The following PRDM9 variants were observed in gnomAD, a reference collection of about 807,000 sequenced individuals.
PRDM9 encodes the protein PR/SET domain 9.
In PRDM9, 47 loss-of-function variants were observed where a neutral mutation model predicts 55.6. That is an observed-to-expected ratio of 0.85 (90% CI 0.67 to 1.08). PRDM9 has a LOEUF of 1.08. Among genes scored for constraint, PRDM9 ranks in the 50% least tolerant of loss-of-function variants. The pLI is 0.00. For missense variants in PRDM9, 867 were observed against 1,040.3 expected (o/e 0.83, Z 2.29); for synonymous variants, 312 against 375.7 (o/e 0.83, Z 1.96).
At chr5:23,511,337 G>GTTGTTT (rs529702253) in intron 4 of PRDM9, among the ~76,000 whole-genome samples, 44 of 151,156 alleles carry the variant, frequency 2.9e-4, no homozygotes, top group Admixed American at 6.6e-4. Context: ...TTGTTTGTTT[G>GTTGTTT]TTGTTTTTGT....
intron 3 of PRDM9, 128 bp downstream of exon 3, chr5:23,509,721 G>T: frequency 6.4e-7 from 1 of 1,553,358 alleles, no homozygotes. Flanking sequence ...CAAATCTGGA[G>T]GGAAATTTTG....
rs751642339 is a variant in PRDM9, at chr5:23,522,853, G to A, written c.850G>A (p.Glu284Lys). ...GPYEGRITED[E>K]EAANNGYSWL... ...TTATGAGGGCCGAATTACAGAAGAC[G>A]AAGAGGCAGCCAACAATGGATACTC... The change falls in exon 8 of 11, where the codon GAA (glutamate) becomes AAA (lysine). Residue 284 changes from glutamate (E) to lysine (K), a missense_variant. By Grantham distance (56) the Glu-to-Lys change is moderately conservative. Coordinates refer to ENST00000296682, the MANE Select transcript of PRDM9 (RefSeq NM_020227.4). 20 of 1,614,244 alleles carry A rather than the reference G, an allele frequency of 1.2e-5. No homozygotes were observed. Among genetic ancestry groups the A allele is most frequent in the Non-Finnish European group, 1.4e-5 (17 of 1,180,048 alleles).
chr5:23,513,018 A>T (rs1343275761), intron 4 of PRDM9, among the ~76,000 whole-genome samples: 1 of 152,218 alleles, frequency 6.6e-6, no homozygotes, highest in Non-Finnish European at 1.5e-5. Flanking sequence ...TTAAAAATCC[A>T]TTCATTTGTC....
At chr5:23,510,738 C>T (rs1739079505) in intron 4 of PRDM9, among the ~76,000 whole-genome samples, 1 of 151,708 alleles carries the variant, frequency 6.6e-6, no homozygotes, top group African/African-American at 2.4e-5. Context: ...GTGGTGCAAT[C>T]ATAACTCACT....
In PRDM9 at chr5:23,513,629, C is replaced by T. The variant is rs1180397623; in HGVS notation, c.301+3602C>T. 3.9e-5 allele frequency among the ~76,000 whole-genome samples: 6 copies of T among 152,160 alleles called. No homozygotes were observed. The East Asian group carries it at 1.2e-3, about 29-fold the overall frequency. On this transcript the variant is annotated intron_variant, in intron 4 of 10. Coordinates refer to ENST00000296682, the MANE Select transcript of PRDM9 (RefSeq NM_020227.4). ...AGGCATGGTGGCTCATGCCTGTAAT[C>T]CTAGCACTTTGGTAGGCCGAGGCAG... is the stretch of plus-strand genomic sequence containing the variant.
chr5:23,514,454 AG>A (rs1217715028), intron 4 of PRDM9, among the ~76,000 whole-genome samples: 1 of 151,934 alleles, frequency 6.6e-6, no homozygotes, highest in African/African-American at 2.4e-5. Context: ...ATCTACTAGA[AG>A]ATTTTTTTTT....
rs112001060 is a variant in PRDM9 at position 23,526,465 on chromosome 5, G to A, written c.1377G>A (p.Arg459=). The stretch of plus-strand genomic sequence containing the variant: ...CCAAAGGTCAAGAGATCAAAGAAAG[G>A]TCCAAACTCTTGAATAAAAGGACAT... ...DKTKGQEIKE[R]SKLLNKRTWQ... The change falls in exon 11 of 11, where the codon AGG becomes AGA. Residue 459 remains arginine (R), a synonymous_variant. Transcript: ENST00000296682. 1.3e-5 allele frequency: 21 copies of A among 1,614,080 alleles called. No individual in the cohort carries two copies. Among genetic ancestry groups the A allele is most frequent in the African/African-American group, 1.2e-4 (9 of 75,034 alleles).
rs1485156258 is a variant in PRDM9, at chr5:23,509,557, A to C, written c.157A>C (p.Asn53His). 1.9e-6 allele frequency: 3 copies of C among 1,614,168 alleles called. No individual in the cohort carries two copies. The highest frequency in any genetic ancestry group is 2.5e-6 in the Non-Finnish European group (3 of 1,180,026). The change falls in exon 3 of 11, where the codon AAT becomes CAT. Residue 53 changes from asparagine (N) to histidine (H), a missense_variant. Physicochemically the swap from Asn to His is moderately conservative, Grantham distance 68. Coordinates refer to ENST00000296682, the MANE Select transcript of PRDM9 (RefSeq NM_020227.4). The part of the protein sequence containing the change: ...MGDWEKTRYR[N>H]VKRNYNALIT... ...AGACTGGGAGAAAACTCGCTATAGG[A>C]ATGTGAAAAGGAACTATAATGCACT...
chr5:23,527,460 T>C lies in PRDM9; in HGVS notation c.2372T>C (p.Leu791Pro). 2 of 1,594,328 alleles carry C rather than the reference T, an allele frequency of 1.3e-6. No individual in the cohort carries two copies. The highest frequency in any genetic ancestry group is 1.7e-6 in the Non-Finnish European group (2 of 1,174,882). ...CGGGGCTTTAGAGATAAGTCAAACC[T>C]CCTCAGTCACCAGAGGACACACACA... Reference protein sequence around the residue: ...CGRGFRDKSNLLSHQRTHTGE... With the variant: ...CGRGFRDKSNPLSHQRTHTGE... The change falls in exon 11 of 11, where the codon CTC becomes CCC. Residue 791 changes from leucine to proline, a missense_variant. Leu to Pro is a moderately conservative substitution (Grantham distance 98). Transcript: ENST00000296682.
intron 9 of PRDM9, 58 bp from the exon 10 acceptor site, chr5:23,524,276 G>A: frequency 1.3e-6 from 2 of 1,582,098 alleles, no homozygotes; most frequent in Non-Finnish European, 1.7e-6. Context: ...GCCATACCTG[G>A]ATCTGATACT....
At chr5:23,525,803 A>G (rs1739418000) in intron 10 of PRDM9, among the ~76,000 whole-genome samples, 1 of 152,178 alleles carries the variant, frequency 6.6e-6, no homozygotes, top group African/African-American at 2.4e-5. Context: ...CAAGAGTGTT[A>G]TTTCTCAATA....
intron 1 of PRDM9, among the ~76,000 whole-genome samples, chr5:23,507,961 T>A (rs1739018144): frequency 6.6e-6 from 1 of 151,780 alleles, no homozygotes; most frequent in Non-Finnish European, 1.5e-5. Context: ...AAGCCGCAAT[T>A]CCCCTCACCC....
chr5:23,522,263 C>T lies in PRDM9; in HGVS notation c.509-41C>T, dbSNP rs62342744. Reference sequence around the variant, plus strand: ...TTCTTATGAAACAAGGACAAACACCCCAGATTCCCAATTTTACCCGTCTAC... The same window carrying T: ...TTCTTATGAAACAAGGACAAACACCTCAGATTCCCAATTTTACCCGTCTAC... On this transcript the variant is annotated intron_variant, in intron 6 of 10. Coordinates refer to ENST00000296682, the MANE Select transcript of PRDM9 (RefSeq NM_020227.4). The T allele has an allele frequency of 0.066, 100,091 of 1,509,014 alleles. 3,932 individuals are homozygous for T. Among genetic ancestry groups the T allele is most frequent in the Middle Eastern group, 0.086 (502 of 5,864 alleles). 93.5% of individuals were successfully genotyped at this position (1,509,014 alleles called of 1,614,324 possible).
chr5:23,523,410 G>C, intron 9 of PRDM9, 52 bp downstream of exon 9: 1 of 1,550,462 alleles, frequency 6.4e-7, no homozygotes. Flanking sequence ...CTCTCACAAA[G>C]CTGGATTTCC....
rs759281170 is a variant in PRDM9, at chr5:23,527,403, G to C, written c.2315G>C (p.Gly772Ala). The C allele has an allele frequency of 6.3e-7, 1 of 1,592,306 alleles. No homozygotes were observed. The highest frequency in any genetic ancestry group is 1.1e-5 in the South Asian group (1 of 89,870). The change falls in exon 11 of 11, where the codon GGG becomes GCG. Residue 772 changes from glycine to alanine, a missense_variant. By Grantham distance (60) the Gly-to-Ala change is moderately conservative. Transcript: ENST00000296682. ...CTCAGACACCAGAGGACACACACAG[G>C]GGAGAAGCCCTATGTCTGCAGGGAG... ...HLLRHQRTHTGEKPYVCRECG... is the reference protein window; with the variant it reads ...HLLRHQRTHTAEKPYVCRECG...
At chr5:23,512,605 TTTAAG>T (rs1477093827) in intron 4 of PRDM9, among the ~76,000 whole-genome samples, 18 of 152,212 alleles carry the variant, frequency 1.2e-4, no homozygotes, top group Non-Finnish European at 2.4e-4. Context: ...AAATCCCTAA[TTTAAG>T]TTAATTTATT....
At chr5:23,510,211 C>T (rs545816233) in intron 4 of PRDM9, among the ~76,000 whole-genome samples, 184 bp downstream of exon 4, 2 of 151,962 alleles carry the variant, frequency 1.3e-5, no homozygotes, top group South Asian at 2.1e-4. Flanking sequence ...TCCACCACTA[C>T]GCCCAGCTAA....
Position 23,527,333 on chromosome 5 carries a change from G to C in PRDM9, c.2245G>C (p.Val749Leu). The C allele has an allele frequency of 1.3e-6, 2 of 1,535,812 alleles. No homozygotes were observed. The highest frequency in any genetic ancestry group is 4.8e-5 in the East Asian group (2 of 41,702). The change falls in exon 11 of 11, where the codon GTC becomes CTC. Residue 749 changes from valine to leucine, a missense_variant. By Grantham distance (32) the Val-to-Leu change is conservative. Around this residue, in one of 5 missense-constraint regions of PRDM9, gnomAD observed 92 missense variants for 185.7 expected, o/e 0.50. Transcript: ENST00000296682. Reference sequence around the variant, plus strand: ...GACACACACAGGGGAGAAGCCCTATGTCTGCAGGGAGTGTGGGCGGGGCTT... The same window carrying C: ...GACACACACAGGGGAGAAGCCCTATCTCTGCAGGGAGTGTGGGCGGGGCTT... ...QRTHTGEKPY[V>L]CRECGRGFRD...
At chr5:23,511,480 G>A (rs1739097313) in intron 4 of PRDM9, among the ~76,000 whole-genome samples, 1 of 152,038 alleles carries the variant, frequency 6.6e-6, no homozygotes, top group Non-Finnish European at 1.5e-5. Context: ...TGAATAGCTG[G>A]GACTACAGGC....
Sources: gnomAD v4.1 joint callset for allele counts (sites outside exome capture counted in the v4.1 genomes callset) on GRCh38, gnomAD v4.1.1 for gene constraint, gnomAD v4.1.1 regional missense constraint, MANE v1.5 for transcripts, NCBI Gene and HGNC (gene_info 2026-07-23, HGNC 2026-07-21) for gene names.